The following DDC variants were observed in gnomAD, a reference collection of about 807,000 sequenced individuals.
DDC encodes dopa decarboxylase.
Under a neutral mutation model 60.0 loss-of-function variants are expected in DDC, and 43 were observed. The ratio of observed to expected loss-of-function variants is 0.72; its 90% CI spans 0.56 to 0.92. The LOEUF (loss-of-function observed/expected upper bound fraction) is 0.92, where lower values mean the gene tolerates loss of function less well. Among genes scored for constraint, DDC ranks in the 40% least tolerant of loss-of-function variants. The pLI is 0.00. For missense variants in DDC, 573 were observed against 620.2 expected (o/e 0.92, Z 0.81); for synonymous variants, 232 against 234.6 (o/e 0.99, Z 0.10).
intron 6 of DDC, among the ~76,000 whole-genome samples, chr7:50,521,905 CA>C (rs797003869): frequency 1.4e-4 from 22 of 152,182 alleles, no homozygotes; most frequent in African/African-American, 5.3e-4. Flanking sequence ...CTACTCCTAT[CA>C]ACATTGTACT....
chr7:50,544,425 A>C (rs915940920), intron 1 of DDC, among the ~76,000 whole-genome samples: 1 of 152,156 alleles, frequency 6.6e-6, no homozygotes, highest in Non-Finnish European at 1.5e-5. Flanking sequence ...AATGACAAAC[A>C]CTGGTCCAAG....
At chr7:50,535,416 G>A (rs2044370706) in intron 4 of DDC, among the ~76,000 whole-genome samples, 2 of 152,304 alleles carry the variant, frequency 1.3e-5, no homozygotes, top group South Asian at 4.1e-4. Flanking sequence ...CAAAGTGCTG[G>A]GATTACAGGC....
At chr7:50,549,298 G>T (rs758906008) in intron 1 of DDC, among the ~76,000 whole-genome samples, 2 of 152,144 alleles carry the variant, frequency 1.3e-5, no homozygotes, top group Non-Finnish European at 2.9e-5. Context: ...TTCCTCTGAT[G>T]AACTTCAGCA....
chr7:50,549,656 CAA>C (rs58449351), intron 1 of DDC, among the ~76,000 whole-genome samples: 39 of 94,966 alleles, frequency 4.1e-4, no homozygotes, highest in Non-Finnish European at 3.3e-4. Context: ...GACTCTGTCT[CAA>C]AAAAAAAAAA....
At chr7:50,530,583 C>T (rs1055811466) in intron 4 of DDC, among the ~76,000 whole-genome samples, 12 of 152,198 alleles carry the variant, frequency 7.9e-5, no homozygotes, top group Admixed American at 4.6e-4. Flanking sequence ...GGTGGGGAAA[C>T]AGATGTGCAG....
At chr7:50,485,828 G>A (rs567034932) in intron 9 of DDC, among the ~76,000 whole-genome samples, 5 of 152,206 alleles carry the variant, frequency 3.3e-5, no homozygotes, top group African/African-American at 4.8e-5. Context: ...CTGTCTCCAC[G>A]TTACAAGGCA....
At chr7:50,535,134 A>C (rs1563035982) in intron 4 of DDC, among the ~76,000 whole-genome samples, 1 of 152,006 alleles carries the variant, frequency 6.6e-6, no homozygotes. Flanking sequence ...CTTTGCTTAC[A>C]ACATAGCTGA....
chr7:50,471,089 GTTT>G (rs2042519679), intron 11 of DDC, among the ~76,000 whole-genome samples: 1 of 152,158 alleles, frequency 6.6e-6, no homozygotes, highest in Non-Finnish European at 1.5e-5. Context: ...GCTTGCAGGT[GTTT>G]TTTAAAGTGT....
At chr7:50,472,122 G>T (rs1377409516) in intron 11 of DDC, among the ~76,000 whole-genome samples, 1 of 152,090 alleles carries the variant, frequency 6.6e-6, no homozygotes, top group Non-Finnish European at 1.5e-5. Flanking sequence ...TATGCTCCTG[G>T]GTGCCTGCAG....
At chr7:50,514,561 A>G (rs554922497) in intron 6 of DDC, among the ~76,000 whole-genome samples, 4 of 152,354 alleles carry the variant, frequency 2.6e-5, no homozygotes, top group Middle Eastern at 3.4e-3. Flanking sequence ...GGCAGAGCCC[A>G]ATGCAAGAAA....
intron 3 of DDC, 119 bp from the exon 4 acceptor site, chr7:50,538,098 G>C: frequency 7.8e-7 from 1 of 1,282,972 alleles, no homozygotes; most frequent in African/African-American, 1.5e-5. Context: ...CCCAATCTCA[G>C]ATGTGATTCA....
rs150540901 is a variant in DDC, at chr7:50,527,074, G to A, written c.714+1063C>T. Among the ~76,000 whole-genome samples the A allele has an allele frequency of 8.9e-3, 1,356 of 152,248 alleles. 9 individuals are homozygous for A. Among genetic ancestry groups the A allele is most frequent in the Non-Finnish European group, 0.014 (953 of 68,010 alleles). On this transcript the variant is annotated intron_variant, in intron 6 of 14. Coordinates refer to ENST00000444124, the MANE Select transcript of DDC (RefSeq NM_001082971.2). ...ATTTGCATTTCTTTGGTTATTAGAG[G>A]ATCAGAATCGGTTTTGTGTTCTTAG...
At chr7:50,493,792 A>C (rs1306139123) in intron 9 of DDC, among the ~76,000 whole-genome samples, 1 of 149,978 alleles carries the variant, frequency 6.7e-6, no homozygotes, top group African/African-American at 2.5e-5. Context: ...TATACAAGTA[A>C]AGGACTAGAA....
chr7:50,548,781 A>C (rs1018944651), intron 1 of DDC, among the ~76,000 whole-genome samples: 1 of 152,222 alleles, frequency 6.6e-6, no homozygotes, highest in African/African-American at 2.4e-5. Context: ...TTCAATATAG[A>C]CATCATAGCC....
chr7:50,474,172 T>C (rs1020522864), intron 11 of DDC, among the ~76,000 whole-genome samples: 2 of 152,246 alleles, frequency 1.3e-5, no homozygotes, highest in Non-Finnish European at 2.9e-5. Flanking sequence ...CCAATGCCTT[T>C]CATTAAGCTA....
At chr7:50,476,413 CCCCT>C (rs2042644563) in intron 11 of DDC, among the ~76,000 whole-genome samples, 1 of 152,200 alleles carries the variant, frequency 6.6e-6, no homozygotes, top group African/African-American at 2.4e-5. Context: ...TCCAGGTTTC[CCCCT>C]CCTAACCTGA....
chr7:50,491,875 G>A (rs2043005043), intron 9 of DDC, among the ~76,000 whole-genome samples: 1 of 152,154 alleles, frequency 6.6e-6, no homozygotes, highest in Admixed American at 6.5e-5. Context: ...TCATCTTTGG[G>A]GAAAGGCACA....
intron 10 of DDC, among the ~76,000 whole-genome samples, chr7:50,477,184 C>T (rs2153535670): frequency 6.6e-6 from 1 of 152,274 alleles, no homozygotes; most frequent in Middle Eastern, 3.4e-3. Flanking sequence ...TCATTGGCTC[C>T]ACATTGGTTA....
chr7:50,491,890 AC>A (rs1223091417), intron 9 of DDC, among the ~76,000 whole-genome samples: 1 of 152,198 alleles, frequency 6.6e-6, no homozygotes, highest in Non-Finnish European at 1.5e-5. Flanking sequence ...GGCACAAAGC[AC>A]ACCCTGTTTC....
Sources: gnomAD v4.1 joint callset for allele counts (sites outside exome capture counted in the v4.1 genomes callset) on GRCh38, gnomAD v4.1.1 for gene constraint, MANE v1.5 for transcripts, NCBI Gene and HGNC (gene_info 2026-07-23, HGNC 2026-07-21) for gene names.